The following IMMP2L variants were observed in gnomAD, a reference collection of about 807,000 sequenced individuals.
IMMP2L encodes the protein inner mitochondrial membrane peptidase subunit 2.
A neutral mutation model predicts 19.3 loss-of-function variants in IMMP2L; 18 were observed. The ratio of observed to expected loss-of-function variants is 0.93; its 90% CI spans 0.64 to 1.38. The LOEUF (loss-of-function observed/expected upper bound fraction) is 1.38. Ranked by LOEUF, IMMP2L falls within the 40% of genes most tolerant of loss-of-function variation. IMMP2L has a pLI of 0.00. For synonymous variants in IMMP2L, 76 were observed against 73.0 expected, an observed-to-expected ratio of 1.04 and a Z score of -0.21; for missense variants, 233 against 218.2, an observed-to-expected ratio of 1.07 and a Z score of -0.43.
chr7:110,769,093 T>C (rs188219919), intron 5 of IMMP2L, among the ~76,000 whole-genome samples: 171 of 152,332 alleles, frequency 1.1e-3, no homozygotes, highest in African/African-American at 3.9e-3. Flanking sequence ...CATATATTCC[T>C]CTGGTCCAGT....
At chr7:110,745,121 C>T (rs1797248354) in intron 5 of IMMP2L, among the ~76,000 whole-genome samples, 1 of 152,096 alleles carries the variant, frequency 6.6e-6, no homozygotes, top group Admixed American at 6.6e-5. Flanking sequence ...GTATCAATAG[C>T]TGAATTGATC....
At chr7:111,067,073 A>C (rs906454912) in intron 3 of IMMP2L, among the ~76,000 whole-genome samples, 1 of 152,138 alleles carries the variant, frequency 6.6e-6, no homozygotes, top group Non-Finnish European at 1.5e-5. Context: ...TGGAAACTTC[A>C]TGTCTGGTAC....
intron 3 of IMMP2L, among the ~76,000 whole-genome samples, chr7:111,074,562 T>C (rs920255538): frequency 2.0e-5 from 3 of 152,208 alleles, no homozygotes; most frequent in African/African-American, 7.2e-5. Context: ...CTAACTAGAA[T>C]TCTCTGAACA....
At chr7:110,980,728 C>A (rs1821210561) in intron 3 of IMMP2L, among the ~76,000 whole-genome samples, 1 of 152,088 alleles carries the variant, frequency 6.6e-6, no homozygotes, top group Non-Finnish European at 1.5e-5. Flanking sequence ...CTAAATTTGA[C>A]AAAGTTTTGA....
At chr7:111,487,198 A>C in intron 3 of IMMP2L, 40 bp downstream of exon 3, 1 of 907,600 alleles carries the variant, frequency 1.1e-6, no homozygotes, top group Non-Finnish European at 1.8e-6. Context: ...AAGTATAAAT[A>C]ATTTTATATA....
intron 3 of IMMP2L, among the ~76,000 whole-genome samples, chr7:110,975,043 T>C (rs917760761): frequency 6.6e-6 from 1 of 152,140 alleles, no homozygotes; most frequent in African/African-American, 2.4e-5. Flanking sequence ...GAGCATCTTA[T>C]TTCATTTTTG....
intron 5 of IMMP2L, among the ~76,000 whole-genome samples, chr7:110,832,633 C>G (rs1454724611): frequency 6.6e-6 from 1 of 152,060 alleles, no homozygotes; most frequent in Non-Finnish European, 1.5e-5. Flanking sequence ...GAATTTAAGT[C>G]ACATGGATCA....
rs570392592 is a variant in IMMP2L at position 111,019,057 on chromosome 7, A to G, written c.240-55492T>C. Reference sequence around the variant, plus strand: ...TAATGACTAGTTATTCCATACCTAGATTCTGTGCAGATAATTCTGCTCCTT... The same window carrying G: ...TAATGACTAGTTATTCCATACCTAGGTTCTGTGCAGATAATTCTGCTCCTT... On this transcript the variant is annotated intron_variant, in intron 3 of 5. Coordinates refer to ENST00000405709, the MANE Select transcript of IMMP2L (RefSeq NM_032549.4). 1.0e-3 allele frequency among the ~76,000 whole-genome samples: 153 copies of G among 152,112 alleles called. 1 individual carries two copies. Among genetic ancestry groups the G allele is most frequent in the Non-Finnish European group, 1.9e-3 (126 of 68,028 alleles).
chr7:111,005,161 T>C (rs541752800), intron 3 of IMMP2L, among the ~76,000 whole-genome samples: 85 of 152,268 alleles, frequency 5.6e-4, no homozygotes, highest in African/African-American at 2.0e-3. Context: ...GTTCACTCTG[T>C]TGGTTTCCAA....
intron 5 of IMMP2L, among the ~76,000 whole-genome samples, chr7:110,862,944 C>A (rs1281004736): frequency 2.0e-5 from 3 of 152,030 alleles, no homozygotes; most frequent in Non-Finnish European, 4.4e-5. Context: ...TCCTGAAGTT[C>A]AAGACCCACC....
chr7:111,045,141 G>A (rs954596578), intron 3 of IMMP2L, among the ~76,000 whole-genome samples: 24 of 152,128 alleles, frequency 1.6e-4, no homozygotes, highest in African/African-American at 5.8e-4. Context: ...ACAGCTATAA[G>A]GTAAAACAAA....
chr7:110,968,892 A>C (rs1429102193), intron 3 of IMMP2L, among the ~76,000 whole-genome samples: 1 of 152,112 alleles, frequency 6.6e-6, no homozygotes, highest in Admixed American at 6.6e-5. Context: ...CCTTTCTATA[A>C]TAAATTCATA....
chr7:111,311,861 C>A (rs1563045183), intron 3 of IMMP2L, among the ~76,000 whole-genome samples: 1 of 152,126 alleles, frequency 6.6e-6, no homozygotes. Flanking sequence ...CACTTTGCTT[C>A]CAGTGATTAC....
Position 111,539,274 on chromosome 7 carries a change from A to ATCC in IMMP2L, c.-2-17826_-2-17825insGGA. Among the ~76,000 whole-genome samples the ATCC allele has an allele frequency of 1.3e-5, 2 of 150,992 alleles. 1 individual carries two copies. The highest frequency in any genetic ancestry group is 4.2e-4 in the South Asian group (2 of 4,786). On this transcript the variant is annotated intron_variant, in intron 1 of 5. Transcript: ENST00000405709. ...AGAAAGAAAGAAAGAAAGAAAGAGAACATACGTCGATTACTACATATATAT... is the reference window on the plus strand; with the variant it reads ...AGAAAGAAAGAAAGAAAGAAAGAGAATCCCATACGTCGATTACTACATATATAT...
intron 1 of IMMP2L, among the ~76,000 whole-genome samples, chr7:111,557,318 A>G (rs1791482107): frequency 6.6e-6 from 1 of 152,136 alleles, no homozygotes; most frequent in Admixed American, 6.6e-5. Flanking sequence ...TACACATGGT[A>G]TAAGAAGTGT....
At chr7:110,679,855 G>A (rs1792581902) in intron 5 of IMMP2L, among the ~76,000 whole-genome samples, 1 of 152,180 alleles carries the variant, frequency 6.6e-6, no homozygotes, top group African/African-American at 2.4e-5. Context: ...TAGTTGCTGT[G>A]ACTAGCACCA....
intron 2 of IMMP2L, among the ~76,000 whole-genome samples, chr7:111,488,640 G>A (rs539879643): frequency 7.9e-5 from 12 of 152,188 alleles, no homozygotes; most frequent in East Asian, 1.9e-4. Flanking sequence ...ATAAACGTGC[G>A]TGCAAGTACA....
chr7:110,936,710 A>T (rs150722941), intron 4 of IMMP2L, among the ~76,000 whole-genome samples: 1,804 of 152,336 alleles, frequency 0.012, 31 homozygotes, highest in African/African-American at 0.04. Flanking sequence ...GTATATACCC[A>T]AAGGATTATA....
chr7:111,314,641 A>G (rs1254593603), intron 3 of IMMP2L, among the ~76,000 whole-genome samples: 2 of 152,108 alleles, frequency 1.3e-5, no homozygotes, highest in African/African-American at 2.4e-5. Context: ...AGTAATTCCC[A>G]CTTGTCTAGG....
Sources: allele counts gnomAD v4.1 joint callset (sites outside exome capture counted in the v4.1 genomes callset), GRCh38; gene constraint gnomAD v4.1.1; transcripts MANE v1.5; gene names NCBI Gene and HGNC (gene_info 2026-07-23, HGNC 2026-07-21).